The following GLT8D2 variants were observed in gnomAD, a reference collection of about 807,000 sequenced individuals.
The protein encoded by GLT8D2 is glycosyltransferase 8 domain containing 2.
GLT8D2 carries 45 observed loss-of-function variants against 44.5 expected under a neutral mutation model. The observed-to-expected ratio is 1.01, with a 90% confidence interval of 0.80 to 1.30. GLT8D2 has a LOEUF of 1.30. GLT8D2 is among the 50% of genes most tolerant of loss of function. The pLI, the probability that GLT8D2 is intolerant of heterozygous loss-of-function variation, is 0.00. For synonymous variants in GLT8D2, 156 were observed against 157.2 expected, an observed-to-expected ratio of 0.99 and a Z score of 0.06; for missense variants, 400 against 430.4, an observed-to-expected ratio of 0.93 and a Z score of 0.62.
chr12:104,013,995 C>T (rs1365726058), intron 4 of GLT8D2, among the ~76,000 whole-genome samples: 1 of 152,210 alleles, frequency 6.6e-6, no homozygotes, highest in Admixed American at 6.5e-5. Flanking sequence ...CCTCCCGCCT[C>T]AGCCTCCCAA....
chr12:103,999,264 C>A (rs374368332), intron 6 of GLT8D2, 133 bp downstream of exon 6: 3 of 607,724 alleles, frequency 4.9e-6, no homozygotes, highest in African/African-American at 3.6e-5. Context: ...TATACATAAG[C>A]GGAGTTTGGT....
At chr12:104,016,806 GGAAA>G (rs1241282337) in intron 3 of GLT8D2, among the ~76,000 whole-genome samples, 10 of 86,142 alleles carry the variant, frequency 1.2e-4, no homozygotes, top group African/African-American at 2.7e-4. Flanking sequence ...AAGGAAGGAA[GGAAA>G]GAAAGAAAGA....
chr12:103,999,269 T>A (rs1873889544), intron 6 of GLT8D2, 128 bp downstream of exon 6: 1 of 622,478 alleles, frequency 1.6e-6, no homozygotes, highest in Admixed American at 2.4e-5. Flanking sequence ...ATAAGCGGAG[T>A]TTGGTGGAGA....
At chr12:103,989,652 T>C (rs1165752979) in intron 10 of GLT8D2, 75 bp from the exon 11 acceptor site, 18 of 1,288,122 alleles carry the variant, frequency 1.4e-5, no homozygotes, top group Non-Finnish European at 1.9e-5. Context: ...GAATACAAGT[T>C]CATAGTTTAA....
At chr12:104,010,515 G>A (rs555643077) in intron 4 of GLT8D2, among the ~76,000 whole-genome samples, 35 of 152,180 alleles carry the variant, frequency 2.3e-4, no homozygotes, top group African/African-American at 7.2e-4. Flanking sequence ...TATTAATTGC[G>A]TTGGAATTTA....
chr12:104,012,385 C>T (rs1875982542), intron 4 of GLT8D2, among the ~76,000 whole-genome samples: 1 of 152,038 alleles, frequency 6.6e-6, no homozygotes, highest in Non-Finnish European at 1.5e-5. Context: ...AATGGATAAA[C>T]ATGTGATAAT....
At chr12:104,050,748 C>T (rs1306841131), upstream of GLT8D2, among the ~76,000 whole-genome samples, 1 of 152,126 alleles carries the variant, frequency 6.6e-6, no homozygotes, top group Admixed American at 6.5e-5. Flanking sequence ...TAAGGATCTC[C>T]CTGCTCACTG....
chr12:103,990,208 G>A (rs910568556), intron 10 of GLT8D2, among the ~76,000 whole-genome samples: 1 of 149,816 alleles, frequency 6.7e-6, no homozygotes, highest in Non-Finnish European at 1.5e-5. Context: ...AGAGATTGCC[G>A]CATTGTCCCC....
At chr12:104,006,620 T>C (rs1469238622) in intron 4 of GLT8D2, among the ~76,000 whole-genome samples, 1 of 152,130 alleles carries the variant, frequency 6.6e-6, no homozygotes, top group East Asian at 1.9e-4. Context: ...AATCCCAGAA[T>C]CCACCCCTGA....
intron 1 of GLT8D2, among the ~76,000 whole-genome samples, chr12:104,026,208 G>T (rs1260431135): frequency 6.7e-6 from 1 of 148,954 alleles, no homozygotes; most frequent in East Asian, 2.0e-4. Flanking sequence ...GAACCTGCGA[G>T]AAGGGGGTTG....
At chr12:104,009,958 G>T (rs755179619) in intron 4 of GLT8D2, among the ~76,000 whole-genome samples, 7 of 151,940 alleles carry the variant, frequency 4.6e-5, no homozygotes, top group Non-Finnish European at 1.0e-4. Context: ...CTCAGTCTTA[G>T]GTATGTCTTT....
Position 104,015,059 on chromosome 12 carries a change from A to G in GLT8D2, c.66T>C (p.Ile22=). 1.2e-6 allele frequency: 2 copies of G among 1,613,952 alleles called. No homozygotes were observed. The highest frequency in any genetic ancestry group is 1.7e-6 in the Non-Finnish European group (2 of 1,179,882). The change falls in exon 4 of 11, where the codon ATT becomes ATC. Residue 22 remains isoleucine (I), a synonymous_variant. Coordinates refer to ENST00000360814, the MANE Select transcript of GLT8D2 (RefSeq NM_001384711.1). ...LFLLIVTLCV[I]LYKKVHKGTV... is the part of the protein sequence containing the mutation. ...TCCCCTTATGAACTTTCTTATACAG[A>G]ATCACACAGAGGGTCACGATCAGAA...
At position 103,990,133 on chromosome 12, in the gene GLT8D2, A is replaced by ATATATATATC. The variant is rs1170333665; in HGVS notation, c.881-557_881-556insGATATATATA. 8.8e-5 allele frequency among the ~76,000 whole-genome samples: 12 copies of ATATATATATC among 136,484 alleles called. 1 individual carries two copies. Among genetic ancestry groups the ATATATATATC allele is most frequent in the Admixed American group, 2.3e-4 (3 of 13,234 alleles). 89.5% of individuals were successfully genotyped at this position (136,484 alleles called of 152,430 possible). ...TATATATATATATATATATATATATATGTAGGATAAAATATTGTAGGTGGA... is the reference window on the plus strand; with the variant it reads ...TATATATATATATATATATATATATATATATATATCTGTAGGATAAAATATTGTAGGTGGA... On this transcript the variant is annotated intron_variant, in intron 10 of 10. Coordinates refer to ENST00000360814, the MANE Select transcript of GLT8D2 (RefSeq NM_001384711.1).
In GLT8D2 at chr12:104,003,258, A is replaced by G. The variant is rs778184917; in HGVS notation, c.161T>C (p.Val54Ala). Residue 54 changes from valine to alanine, a missense_variant, in exon 5 of 11, where the codon GTG becomes GCG. Transcript: ENST00000360814. ...PEELEEEIPV[V>A]ICAAAGRMGA... ...CATCCTCCCTGCTGCAGCACAAATC[A>G]CCACAGGAATCTCTTCTTCCAGTTC... 6.2e-7 allele frequency: 1 copy of G among 1,614,092 alleles called. No individual in the cohort carries two copies. The highest frequency in any genetic ancestry group is 1.1e-5 in the South Asian group (1 of 91,076).
At chr12:104,046,737 G>T (rs1295412883) in intron 1 of GLT8D2, among the ~76,000 whole-genome samples, 1 of 152,194 alleles carries the variant, frequency 6.6e-6, no homozygotes, top group Non-Finnish European at 1.5e-5. Flanking sequence ...TCAGGAGTCT[G>T]TCCTCTAACA....
At chr12:104,004,114 A>G (rs1408478572) in intron 4 of GLT8D2, among the ~76,000 whole-genome samples, 1 of 152,196 alleles carries the variant, frequency 6.6e-6, no homozygotes, top group Non-Finnish European at 1.5e-5. Flanking sequence ...TATAAATAGA[A>G]CCAAAGACAA....
intron 1 of GLT8D2, among the ~76,000 whole-genome samples, chr12:104,030,003 T>A (rs909853129): frequency 8.5e-5 from 13 of 152,088 alleles, no homozygotes; most frequent in African/African-American, 3.1e-4. Context: ...CTAAAATGCA[T>A]ATGGAACCGC....
Position 103,989,587 on chromosome 12 carries a change from G to T in GLT8D2, c.881-10C>A, listed in dbSNP as rs1197875586. The T allele has an allele frequency of 1.9e-6, 3 of 1,590,668 alleles. No homozygotes were observed. Among genetic ancestry groups the T allele is most frequent in the Non-Finnish European group, 2.6e-6 (3 of 1,170,220 alleles). On this transcript the variant is annotated splice_polypyrimidine_tract_variant and intron_variant, in intron 10 of 10. Transcript: ENST00000360814. The stretch of plus-strand genomic sequence containing the variant: ...GCATCTGGATTCCAGCCTTCATTGT[G>T]TATAGAGAAAAAATAATAGGCTTGT...
chr12:104,003,080 G>A (rs942360954), intron 5 of GLT8D2, 55 bp downstream of exon 5: 1 of 1,380,268 alleles, frequency 7.2e-7, no homozygotes, highest in Non-Finnish European at 1.0e-6. Flanking sequence ...GGGAGGGAGG[G>A]AAGGAGAGAG....
Sources: gnomAD v4.1 joint callset for allele counts (sites outside exome capture counted in the v4.1 genomes callset) on GRCh38, gnomAD v4.1.1 for gene constraint, MANE v1.5 for transcripts, NCBI Gene and HGNC (gene_info 2026-07-23, HGNC 2026-07-21) for gene names.